PROSER1: variants seen among roughly 807,000 people sequenced by gnomAD.
The protein encoded by PROSER1 is proline and serine-rich protein 1.
Under a neutral mutation model 71.8 loss-of-function variants are expected in PROSER1, and 36 were observed. The observed-to-expected ratio is 0.50, with a 90% CI of 0.38 to 0.66. PROSER1 has a LOEUF of 0.66. PROSER1 is among the 30% of genes least tolerant of loss of function. The pLI is 0.00. For missense variants in PROSER1, 1,107 were observed against 1,135.0 expected, an observed-to-expected ratio of 0.98 and a Z score of 0.35; for synonymous variants, 490 against 452.4, an observed-to-expected ratio of 1.08 and a Z score of -1.06.
intron 3 of PROSER1, among the ~76,000 whole-genome samples, chr13:39,030,101 G>A (rs1270629487): frequency 6.6e-6 from 1 of 152,166 alleles, no homozygotes; most frequent in East Asian, 1.9e-4. Flanking sequence ...ATTTGGAGGA[G>A]TGGTTTTCAC....
In PROSER1 at chr13:39,013,245, A is replaced by G; in HGVS notation, c.2007T>C (p.Pro669=). 6.2e-7 allele frequency: 1 copy of G among 1,614,170 alleles called. No individual in the cohort carries two copies. Among genetic ancestry groups the G allele is most frequent in the South Asian group, 1.1e-5 (1 of 91,084 alleles). ...AGGAAAGAGGATTTGAACCATTTAA[A>G]GGAGTACTCAAGCTGGAGAGACCTG... is the stretch of plus-strand genomic sequence containing the variant. ...ALSGLSSLST[P]LNGSNPLSSI... The change falls in exon 11 of 13, where the codon CCT becomes CCC. Residue 669 remains proline, a synonymous_variant. Transcript: ENST00000352251.
intron 7 of PROSER1, 44 bp from the exon 8 acceptor site, chr13:39,023,174 A>G (rs770785526): frequency 3.4e-6 from 5 of 1,455,566 alleles, no homozygotes; most frequent in Admixed American, 1.7e-5. Context: ...AAAATCAAGT[A>G]AGCTGTCTCC....
intron 4 of PROSER1, among the ~76,000 whole-genome samples, chr13:39,028,670 T>C (rs115860311): frequency 1.6e-3 from 237 of 152,260 alleles, no homozygotes; most frequent in African/African-American, 5.5e-3. Context: ...ATGCATAGTT[T>C]TATCTTGTGC....
intron 7 of PROSER1, 87 bp downstream of exon 7, chr13:39,024,383 GCAA>G: frequency 1.1e-6 from 1 of 905,214 alleles, no homozygotes. Flanking sequence ...TTCAAACTTT[GCAA>G]CACAAAAATA....
At chr13:39,022,498 T>G (rs1171273174) in intron 8 of PROSER1, 86 bp from the exon 9 acceptor site, 3 of 823,108 alleles carry the variant, frequency 3.6e-6, no homozygotes, top group Non-Finnish European at 6.2e-6. Flanking sequence ...TCAAACTATA[T>G]TAATGCAGCT....
intron 9 of PROSER1, among the ~76,000 whole-genome samples, chr13:39,021,937 G>A (rs1278957274): frequency 6.6e-6 from 1 of 152,100 alleles, no homozygotes; most frequent in East Asian, 1.9e-4. Context: ...TAAAAAATGT[G>A]CAATTGAGAA....
At chr13:39,032,545 G>A (rs893588879) in intron 2 of PROSER1, among the ~76,000 whole-genome samples, 1 of 152,126 alleles carries the variant, frequency 6.6e-6, no homozygotes, top group African/African-American at 2.4e-5. Context: ...AAGGTCAATG[G>A]TGCAAACTGG....
At position 39,014,480 on chromosome 13, in the gene PROSER1, T is replaced by C. The variant is rs745955111; in HGVS notation, c.776-4A>G. 3.1e-6 allele frequency: 5 copies of C among 1,588,286 alleles called. No homozygotes were observed. In the South Asian group the frequency reaches 3.4e-5, roughly 11 times the overall value. On this transcript the variant is annotated splice_polypyrimidine_tract_variant and splice_region_variant and intron_variant, in intron 10 of 12. Coordinates refer to ENST00000352251, the MANE Select transcript of PROSER1 (RefSeq NM_025138.5). Reference sequence around the variant, plus strand: ...TGACTTGCTGGGGTGGAAAATGCTATATGGAAGGGGGAAAAAAGGCAAGAA... The same window carrying C: ...TGACTTGCTGGGGTGGAAAATGCTACATGGAAGGGGGAAAAAAGGCAAGAA...
At chr13:39,032,530 A>G (rs553072073) in intron 2 of PROSER1, among the ~76,000 whole-genome samples, 92 of 152,360 alleles carry the variant, frequency 6.0e-4, no homozygotes, top group African/African-American at 2.0e-3. Flanking sequence ...ATTATTCTAT[A>G]CAGCAAGGTC....
intron 9 of PROSER1, among the ~76,000 whole-genome samples, chr13:39,021,224 T>A (rs1488534523): frequency 6.6e-6 from 1 of 152,182 alleles, no homozygotes; most frequent in Non-Finnish European, 1.5e-5. Flanking sequence ...AATCTGCATG[T>A]GATAAACTGC....
At chr13:39,011,714 T>C (rs1001193173) in intron 12 of PROSER1, among the ~76,000 whole-genome samples, 23 of 152,330 alleles carry the variant, frequency 1.5e-4, no homozygotes, top group African/African-American at 5.5e-4. Context: ...TAATATTCTC[T>C]CAAAAGTCAA....
At chr13:39,021,118 G>C (rs1200133403) in intron 9 of PROSER1, among the ~76,000 whole-genome samples, 4 of 152,154 alleles carry the variant, frequency 2.6e-5, no homozygotes, top group Non-Finnish European at 4.4e-5. Flanking sequence ...ACTGGCCGTG[G>C]AACTTAGGCT....
intron 9 of PROSER1, 61 bp downstream of exon 9, chr13:39,022,265 C>T (rs1405328946): frequency 3.6e-6 from 4 of 1,104,606 alleles, no homozygotes; most frequent in Non-Finnish European, 5.6e-6. Flanking sequence ...AACAACTGTC[C>T]GTTCCAAGTG....
chr13:39,036,115 A>G (rs754056613), intron 1 of PROSER1, among the ~76,000 whole-genome samples: 1 of 152,264 alleles, frequency 6.6e-6, no homozygotes, highest in Non-Finnish European at 1.5e-5. Context: ...AAAGTAATTA[A>G]AAATCAGCCC....
At position 39,023,120 on chromosome 13, in the gene PROSER1, G is replaced by T. The variant is rs781455921; in HGVS notation, c.575C>A (p.Thr192Lys). 6.2e-7 allele frequency: 1 copy of T among 1,612,556 alleles called. No homozygotes were observed. The change falls in exon 8 of 13, where the codon ACA (threonine) becomes AAA (lysine). Residue 192 changes from threonine to lysine, a missense_variant. Physicochemically the swap from Thr to Lys is moderately conservative, Grantham distance 78. Transcript: ENST00000352251. ...ILGPSKPPPS[T>K]YNPHKPVPYP... is the part of the protein sequence containing the mutation. The stretch of plus-strand genomic sequence containing the variant: ...AGGAACAGGTTTATGTGGATTATAT[G>T]TTGAAGGAGGCTAAAACATGGGGGA...
At chr13:39,026,814 A>G (rs186770666) in intron 5 of PROSER1, among the ~76,000 whole-genome samples, 2 of 152,324 alleles carry the variant, frequency 1.3e-5, no homozygotes, top group Admixed American at 1.3e-4. Flanking sequence ...AGGACATCAT[A>G]AACAAGTAAC....
At chr13:39,036,930 T>C (rs1482986447) in intron 1 of PROSER1, among the ~76,000 whole-genome samples, 1 of 152,144 alleles carries the variant, frequency 6.6e-6, no homozygotes, top group Admixed American at 6.5e-5. Flanking sequence ...CTATTACGGA[T>C]TTGTAAAGCC....
rs771669084 is a variant in PROSER1, at chr13:39,012,899, T to G, written c.2353A>C (p.Asn785His). The change falls in exon 11 of 13, where the codon AAT becomes CAT. Residue 785 changes from asparagine to histidine, a missense_variant. Asn to His is a moderately conservative substitution (Grantham distance 68, BLOSUM62 1). Coordinates refer to ENST00000352251, the MANE Select transcript of PROSER1 (RefSeq NM_025138.5). ...ACAGAAAAGCCTGGATAGGAGGGAT[T>G]TGAAGATGACAGAGGTCCTTGAGTA... ...SVTQGPLSSSNPSYPGFSVSN... is the reference protein window; with the variant it reads ...SVTQGPLSSSHPSYPGFSVSN... 30 of 1,613,928 alleles carry G rather than the reference T, an allele frequency of 1.9e-5. No individual in the cohort carries two copies. Among genetic ancestry groups the G allele is most frequent in the Non-Finnish European group, 2.3e-5 (27 of 1,180,012 alleles).
chr13:39,036,767 C>T (rs567800968), intron 1 of PROSER1, among the ~76,000 whole-genome samples: 2 of 152,320 alleles, frequency 1.3e-5, no homozygotes, highest in East Asian at 1.9e-4. Flanking sequence ...CAAATATACT[C>T]TACCTTATGC....
Sources: gnomAD v4.1 joint callset for allele counts (sites outside exome capture counted in the v4.1 genomes callset) on GRCh38, gnomAD v4.1.1 for gene constraint, MANE v1.5 for transcripts, NCBI Gene and HGNC (gene_info 2026-07-23, HGNC 2026-07-21) for gene names.